Variants in GLIS3 observed in about 807,000 individuals in gnomAD.
The protein encoded by GLIS3 is GLIS family zinc finger 3, also known as zinc finger protein GLIS3.
In GLIS3, 53 loss-of-function variants were observed where a neutral mutation model predicts 78.6. That is an observed-to-expected ratio of 0.67 (90% CI 0.54 to 0.85). GLIS3 has a LOEUF of 0.85. Among genes scored for constraint, GLIS3 ranks in the 40% least tolerant of loss-of-function variants. GLIS3 has a pLI of 0.00. For missense variants in GLIS3, 1,703 were observed against 1,231.1 expected (o/e 1.38, Z -5.74); for synonymous variants, 684 against 509.9 (o/e 1.34, Z -4.60).
chr9:4,211,661 T>G (rs767361967), intron 2 of GLIS3, among the ~76,000 whole-genome samples: 1 of 152,212 alleles, frequency 6.6e-6, no homozygotes, highest in South Asian at 2.1e-4. Flanking sequence ...GAAATCCCAC[T>G]CGTAAATATT....
intron 2 of GLIS3, among the ~76,000 whole-genome samples, chr9:4,224,099 C>T (rs1821558339): frequency 6.6e-6 from 1 of 152,060 alleles, no homozygotes; most frequent in South Asian, 2.1e-4. Context: ...AGAAAGCTTG[C>T]AAATCACACA....
chr9:4,071,555 G>A (rs370431361), intron 4 of GLIS3, among the ~76,000 whole-genome samples: 1 of 152,182 alleles, frequency 6.6e-6, no homozygotes, highest in African/African-American at 2.4e-5. Context: ...CTGGATATCA[G>A]ATTTTGAGTT....
At chr9:4,024,900 T>C (rs1290306176) in intron 4 of GLIS3, among the ~76,000 whole-genome samples, 2 of 152,178 alleles carry the variant, frequency 1.3e-5, no homozygotes, top group Non-Finnish European at 2.9e-5. Flanking sequence ...GCAGTAATCA[T>C]GCCTGTCGTG....
chr9:4,042,265 G>T (rs1824877636), intron 4 of GLIS3, among the ~76,000 whole-genome samples: 1 of 152,060 alleles, frequency 6.6e-6, no homozygotes, highest in Non-Finnish European at 1.5e-5. Context: ...TTCTTCATTT[G>T]CAAGTATCCA....
chr9:4,083,569 A>G (rs958047914), intron 4 of GLIS3, among the ~76,000 whole-genome samples: 5 of 152,226 alleles, frequency 3.3e-5, no homozygotes, highest in African/African-American at 1.2e-4. Flanking sequence ...TAGGTCATAC[A>G]GCCAATCTAT....
intron 4 of GLIS3, among the ~76,000 whole-genome samples, chr9:3,964,997 T>C (rs1187090850): frequency 6.6e-6 from 1 of 151,954 alleles, no homozygotes; most frequent in East Asian, 1.9e-4. Context: ...CTACCAATTG[T>C]GTGATCTTGG....
At chr9:4,471,514 C>A in the GLIS3 span, among the ~76,000 whole-genome samples, 2 of 152,064 alleles carry the variant, frequency 1.3e-5, no homozygotes, top group African/African-American at 4.8e-5. Context: ...GAAAGGATTC[C>A]CTATTTAATA....
At chr9:4,205,340 C>A (rs895185695) in intron 2 of GLIS3, among the ~76,000 whole-genome samples, 2 of 152,182 alleles carry the variant, frequency 1.3e-5, no homozygotes, top group African/African-American at 4.8e-5. Flanking sequence ...AAGGCTAAGC[C>A]ATGACTGGCT....
At position 4,276,686 on chromosome 9, in the gene GLIS3, T is replaced by C. The variant is rs371166982; in HGVS notation, c.388+9352A>G. Among the ~76,000 whole-genome samples the C allele has an allele frequency of 2.6e-5, 4 of 152,320 alleles. No individual in the cohort carries two copies. In the South Asian group the frequency reaches 6.2e-4, roughly 24 times the overall value. On this transcript the variant is annotated intron_variant, in intron 2 of 10. Coordinates refer to ENST00000381971, the MANE Select transcript of GLIS3 (RefSeq NM_001042413.2). Reference sequence around the variant, plus strand: ...AATAGATTCTTTTAAAGATGTAATGTTATAAGACTGAAACCCCCTTTTATA... The same window carrying C: ...AATAGATTCTTTTAAAGATGTAATGCTATAAGACTGAAACCCCCTTTTATA...
chr9:4,223,425 G>A (rs1394060806), intron 2 of GLIS3, among the ~76,000 whole-genome samples: 1 of 152,108 alleles, frequency 6.6e-6, no homozygotes, highest in African/African-American at 2.4e-5. Context: ...AGACTCAATC[G>A]GATTGCCTCA....
chr9:4,053,705 T>TAAAAAAAAAAAAAAAAAAAAAAA (rs760535978), intron 4 of GLIS3, among the ~76,000 whole-genome samples: 4 of 91,148 alleles, frequency 4.4e-5, no homozygotes, highest in African/African-American at 1.4e-4. Flanking sequence ...TCTTTCTTCA[T>TAAAAAAAAAAAAAAAAAAAAAAA]AAAAAAAAAA....
chr9:4,003,474 G>C (rs1821280880), intron 4 of GLIS3, among the ~76,000 whole-genome samples: 1 of 152,296 alleles, frequency 6.6e-6, no homozygotes, highest in South Asian at 2.1e-4. Flanking sequence ...CTTAAGAATA[G>C]AGTGGCATCC....
At chr9:4,184,839 G>C (rs1221002434) in intron 2 of GLIS3, among the ~76,000 whole-genome samples, 1 of 152,074 alleles carries the variant, frequency 6.6e-6, no homozygotes, top group Non-Finnish European at 1.5e-5. Context: ...TTGTGCATCT[G>C]TCAACATTAC....
the GLIS3 span, among the ~76,000 whole-genome samples, chr9:4,457,918 A>G: frequency 6.6e-6 from 1 of 151,900 alleles, no homozygotes; most frequent in Non-Finnish European, 1.5e-5. Context: ...CTAAGTTCTG[A>G]CCTTAAGTAT....
At chr9:4,468,492 A>T in the GLIS3 span, among the ~76,000 whole-genome samples, 1 of 152,184 alleles carries the variant, frequency 6.6e-6, no homozygotes, top group Non-Finnish European at 1.5e-5. Flanking sequence ...AACATTCTTA[A>T]AGAAAAGAAT....
chr9:4,033,878 A>AC (rs1563969409), intron 4 of GLIS3, among the ~76,000 whole-genome samples: 5 of 150,538 alleles, frequency 3.3e-5, no homozygotes, highest in Non-Finnish European at 5.9e-5. Context: ...AAAAAAAAAA[A>AC]AAAAAAAAAA....
intron 8 of GLIS3, among the ~76,000 whole-genome samples, chr9:3,870,419 A>G (rs574924472): frequency 6.6e-6 from 1 of 152,298 alleles, no homozygotes; most frequent in Admixed American, 6.5e-5. Flanking sequence ...AAAATACAAC[A>G]TCCCTATATT....
At chr9:4,145,052 A>ATG (rs1467331508) in intron 2 of GLIS3, 5 of 152,244 alleles carry the variant, frequency 3.3e-5, no homozygotes, top group African/African-American at 4.8e-5. Flanking sequence ...ATTGAAAGCA[A>ATG]GGCTTAACTG....
At chr9:4,189,414 C>G (rs146852617) in intron 2 of GLIS3, among the ~76,000 whole-genome samples, 9,945 of 152,074 alleles carry the variant, frequency 0.065, 1,101 homozygotes, top group African/African-American at 0.23. Context: ...TTACTTCCAA[C>G]TATGTGGTCA....
Sources: allele counts gnomAD v4.1 joint callset (sites outside exome capture counted in the v4.1 genomes callset), GRCh38; gene constraint gnomAD v4.1.1; transcripts MANE v1.5; gene names NCBI Gene and HGNC (gene_info 2026-07-23, HGNC 2026-07-21).